The following FBXL17 variants were observed in gnomAD, a reference collection of about 807,000 sequenced individuals.
FBXL17 encodes F-box/LRR-repeat protein 17.
In FBXL17, 22 loss-of-function variants were observed where a neutral mutation model predicts 66.2. That is an observed-to-expected ratio of 0.33 (90% CI 0.24 to 0.47). The LOEUF (loss-of-function observed/expected upper bound fraction) is 0.47. Among genes scored for constraint, FBXL17 ranks in the 20% least tolerant of loss-of-function variants. The pLI, the probability that FBXL17 is intolerant of heterozygous loss-of-function variation, is 1.00. For synonymous variants in FBXL17, 474 were observed against 400.5 expected (o/e 1.18, Z -2.19); for missense variants, 878 against 948.2 (o/e 0.93, Z 0.97).
intron 4 of FBXL17, among the ~76,000 whole-genome samples, chr5:108,304,888 C>G (rs1036283022): frequency 6.6e-6 from 1 of 151,906 alleles, no homozygotes; most frequent in East Asian, 1.9e-4. Flanking sequence ...ATAAAATAAG[C>G]ATAAAACTTT....
chr5:108,307,556 C>A (rs1459487758), intron 4 of FBXL17, among the ~76,000 whole-genome samples: 2 of 152,082 alleles, frequency 1.3e-5, no homozygotes, highest in African/African-American at 4.8e-5. Context: ...AATCCTCCCA[C>A]CTTGGCCTCT....
At chr5:108,161,378 C>T (rs533426616) in intron 6 of FBXL17, among the ~76,000 whole-genome samples, 6 of 152,100 alleles carry the variant, frequency 3.9e-5, no homozygotes, top group African/African-American at 1.2e-4. Flanking sequence ...CCCAGCTACT[C>T]GGGAGGCTGA....
At chr5:108,215,465 T>A (rs1238628375) in intron 5 of FBXL17, among the ~76,000 whole-genome samples, 2 of 152,236 alleles carry the variant, frequency 1.3e-5, no homozygotes, top group African/African-American at 2.4e-5. Flanking sequence ...GTCATTTGCA[T>A]AACTAATAAT....
At chr5:108,227,961 A>G (rs1243395882) in intron 4 of FBXL17, among the ~76,000 whole-genome samples, 1 of 152,194 alleles carries the variant, frequency 6.6e-6, no homozygotes, top group Non-Finnish European at 1.5e-5. Flanking sequence ...TCAGTCTAAC[A>G]TTAAGTTTTT....
chr5:108,191,634 G>C (rs566509192), intron 5 of FBXL17, among the ~76,000 whole-genome samples: 3 of 152,264 alleles, frequency 2.0e-5, no homozygotes, highest in Admixed American at 1.3e-4. Flanking sequence ...TTATAGACTT[G>C]TGAAAATCCA....
At chr5:108,162,476 C>T (rs7732946) in intron 6 of FBXL17, among the ~76,000 whole-genome samples, 63,751 of 151,912 alleles carry the variant, frequency 0.42, 14,669 homozygotes, top group Non-Finnish European at 0.52. Context: ...GGTGACAGAG[C>T]AAGACTCTGT....
chr5:108,071,791 T>C (rs1748344428), intron 6 of FBXL17, among the ~76,000 whole-genome samples: 1 of 152,120 alleles, frequency 6.6e-6, no homozygotes, highest in African/African-American at 2.4e-5. Context: ...TTCTACATAT[T>C]TCACTTACTC....
chr5:108,331,428 T>G (rs1760119389), intron 4 of FBXL17, among the ~76,000 whole-genome samples: 2 of 152,224 alleles, frequency 1.3e-5, no homozygotes, highest in African/African-American at 4.8e-5. Flanking sequence ...ATTGACCAAT[T>G]AACTAAGCTG....
At chr5:107,984,149 T>C (rs369387093) in intron 7 of FBXL17, among the ~76,000 whole-genome samples, 3 of 152,116 alleles carry the variant, frequency 2.0e-5, no homozygotes, top group East Asian at 3.9e-4. Context: ...TCTCAGCTTT[T>C]TTCCTTATGA....
chr5:108,025,680 T>TAA (rs1554058168), intron 6 of FBXL17, among the ~76,000 whole-genome samples: 3 of 130,142 alleles, frequency 2.3e-5, no homozygotes, highest in African/African-American at 9.0e-5. Context: ...CTACAACACA[T>TAA]ACACACACAC....
At chr5:108,338,636 C>G (rs975493144) in intron 4 of FBXL17, among the ~76,000 whole-genome samples, 1 of 151,882 alleles carries the variant, frequency 6.6e-6, no homozygotes, top group Non-Finnish European at 1.5e-5. Flanking sequence ...GTGGCTACAA[C>G]TAAGATGCAA....
chr5:108,053,038 A>T (rs1320898836), intron 6 of FBXL17, among the ~76,000 whole-genome samples: 4 of 152,234 alleles, frequency 2.6e-5, no homozygotes, highest in Admixed American at 2.0e-4. Flanking sequence ...ACGTTACATA[A>T]AAATTAACTC....
Position 108,357,068 on chromosome 5 carries a change from C to G in FBXL17, c.1374+7670G>C, listed in dbSNP as rs561572056. 2.0e-5 allele frequency among the ~76,000 whole-genome samples: 3 copies of G among 152,054 alleles called. No individual in the cohort carries two copies. In the South Asian group the frequency reaches 6.2e-4, roughly 32 times the overall value. ...AAATTTCAATGAATTCAAAAGTGAT[C>G]TGAACAGTGAATAAAACTGTAAATT... On this transcript the variant is annotated intron_variant, in intron 3 of 8. Transcript: ENST00000542267.
At chr5:108,289,930 T>G (rs543779317) in intron 4 of FBXL17, among the ~76,000 whole-genome samples, 3 of 152,184 alleles carry the variant, frequency 2.0e-5, no homozygotes, top group Non-Finnish European at 4.4e-5. Flanking sequence ...AAAGTCTTTG[T>G]GCAAGTGTAT....
At chr5:107,898,751 G>A (rs1580694620) in intron 7 of FBXL17, among the ~76,000 whole-genome samples, 2 of 152,142 alleles carry the variant, frequency 1.3e-5, no homozygotes, top group Non-Finnish European at 2.9e-5. Flanking sequence ...ATAGTTTGCT[G>A]AGAAGATGGT....
intron 6 of FBXL17, among the ~76,000 whole-genome samples, chr5:108,108,128 G>A (rs1749882594): frequency 6.6e-6 from 1 of 152,034 alleles, no homozygotes; most frequent in South Asian, 2.1e-4. Flanking sequence ...TTTTACTTAA[G>A]TTTCTCCTTC....
At position 108,117,570 on chromosome 5, in the gene FBXL17, T is replaced by A. The variant is rs149165309; in HGVS notation, c.1745+68547A>T. ...AGTAACTATGAGTATGCCTTTCACG[T>A]ACAAAAGACCCTCAAAGATTAAAAT... is the stretch of plus-strand genomic sequence containing the variant. On this transcript the variant is annotated intron_variant, in intron 6 of 8. Coordinates refer to ENST00000542267, the MANE Select transcript of FBXL17 (RefSeq NM_001163315.3). Among the ~76,000 whole-genome samples the A allele has an allele frequency of 4.9e-3, 739 of 152,276 alleles. 11 individuals are homozygous for A. Among genetic ancestry groups the A allele is most frequent in the Non-Finnish European group, 2.5e-3 (170 of 68,012 alleles).
chr5:108,145,605 TGAA>T (rs1441056077), intron 6 of FBXL17, among the ~76,000 whole-genome samples: 2 of 152,250 alleles, frequency 1.3e-5, no homozygotes, highest in East Asian at 3.9e-4. Context: ...GTCAGGGATA[TGAA>T]ACAGGTTACA....
chr5:107,878,711 T>G (rs1057225920), intron 8 of FBXL17: 2 of 985,358 alleles, frequency 2.0e-6, no homozygotes, highest in African/African-American at 3.5e-5. Context: ...TCCATCCAAC[T>G]AAACCAACAA....
Sources: allele counts gnomAD v4.1 joint callset (sites outside exome capture counted in the v4.1 genomes callset), GRCh38; gene constraint gnomAD v4.1.1; transcripts MANE v1.5; gene names NCBI Gene and HGNC (gene_info 2026-07-23, HGNC 2026-07-21).